Variants in MSRA observed in about 807,000 individuals in gnomAD.
The protein encoded by MSRA is mitochondrial peptide methionine sulfoxide reductase.
A neutral mutation model predicts 31.3 loss-of-function variants in MSRA; 54 were observed. The ratio of observed to expected loss-of-function variants is 1.73; its 90% confidence interval spans 1.39 to 2.17. The LOEUF (loss-of-function observed/expected upper bound fraction) is 2.17, where lower values mean the gene tolerates loss of function less well. Ranked by LOEUF, MSRA falls within the 30% of genes most tolerant of loss-of-function variation. The pLI is 0.00. For missense variants in MSRA, 507 were observed against 300.9 expected, an observed-to-expected ratio of 1.69 and a Z score of -5.07; for synonymous variants, 169 against 116.5, an observed-to-expected ratio of 1.45 and a Z score of -2.90.
intron 1 of MSRA, among the ~76,000 whole-genome samples, chr8:10,183,884 A>G (rs932844927): frequency 2.0e-4 from 28 of 137,254 alleles, no homozygotes; most frequent in African/African-American, 7.8e-4. Flanking sequence ...TTGTTGGTAT[A>G]GGTGGTGTTG....
chr8:10,159,092 G>A (rs1232649362), intron 1 of MSRA, among the ~76,000 whole-genome samples: 1 of 152,234 alleles, frequency 6.6e-6, no homozygotes, highest in Admixed American at 6.5e-5. Flanking sequence ...GATACCAGAT[G>A]ATGGATGGCA....
intron 5 of MSRA, among the ~76,000 whole-genome samples, chr8:10,388,735 C>T (rs1010172075): frequency 2.0e-5 from 3 of 151,968 alleles, no homozygotes; most frequent in South Asian, 2.1e-4. Context: ...TTCTCATTGG[C>T]TTTTGACGTT....
In MSRA at chr8:10,310,955, AC is replaced by A. The variant is rs1170189861; in HGVS notation, c.437-8927del. Reference sequence around the variant, plus strand: ...AGTCCAAATAATCAGGCTTTTGAAAACTTTTAGCCAGGAAGAGTTTCACATA... The same window carrying A: ...AGTCCAAATAATCAGGCTTTTGAAAATTTTAGCCAGGAAGAGTTTCACATA... On this transcript the variant is annotated intron_variant, in intron 4 of 5. Coordinates refer to ENST00000317173, the MANE Select transcript of MSRA (RefSeq NM_012331.5). Among the ~76,000 whole-genome samples the A allele has an allele frequency of 4.6e-5, 7 of 152,354 alleles. No individual in the cohort carries two copies. The East Asian group carries it at 9.6e-4, about 21-fold the overall frequency.
chr8:10,369,267 A>G (rs1200038334), intron 5 of MSRA, among the ~76,000 whole-genome samples: 2 of 151,724 alleles, frequency 1.3e-5, no homozygotes, highest in African/African-American at 2.4e-5. Context: ...AAAAAAAACG[A>G]AGAAGAAATT....
chr8:10,161,121 C>A (rs1212650661), intron 1 of MSRA, among the ~76,000 whole-genome samples: 6 of 152,172 alleles, frequency 3.9e-5, no homozygotes, highest in Non-Finnish European at 7.3e-5. Context: ...TTTCTAAATA[C>A]GGTCTGTGTG....
intron 1 of MSRA, among the ~76,000 whole-genome samples, chr8:10,173,961 A>G (rs1009795761): frequency 1.3e-5 from 2 of 152,116 alleles, no homozygotes; most frequent in East Asian, 3.9e-4. Context: ...CAGCATCCAC[A>G]TTGAGGTGGG....
chr8:10,115,163 A>G (rs1458029786), intron 1 of MSRA, among the ~76,000 whole-genome samples: 2 of 152,252 alleles, frequency 1.3e-5, no homozygotes, highest in East Asian at 1.9e-4. Flanking sequence ...CTGGCTTACT[A>G]TGTCAAAAAT....
At chr8:10,327,830 G>C (rs1802451099) in intron 5 of MSRA, among the ~76,000 whole-genome samples, 1 of 152,062 alleles carries the variant, frequency 6.6e-6, no homozygotes, top group Non-Finnish European at 1.5e-5. Flanking sequence ...CTACTCATGA[G>C]GCTGAGGCAG....
intron 1 of MSRA, among the ~76,000 whole-genome samples, chr8:10,061,221 C>T (rs1413812463): frequency 6.6e-6 from 1 of 152,180 alleles, no homozygotes; most frequent in Non-Finnish European, 1.5e-5. Context: ...TTTTCTGCCT[C>T]TGTATTGCTC....
intron 1 of MSRA, among the ~76,000 whole-genome samples, chr8:10,124,452 C>T (rs368968641): frequency 1.3e-5 from 2 of 152,326 alleles, no homozygotes; most frequent in East Asian, 3.9e-4. Flanking sequence ...AGAATATCTG[C>T]TCCCATTTCA....
chr8:10,296,809 G>A (rs1194672395), intron 3 of MSRA, among the ~76,000 whole-genome samples: 3 of 152,084 alleles, frequency 2.0e-5, no homozygotes, highest in Admixed American at 6.6e-5. Flanking sequence ...CCCAGACCCC[G>A]CCAAGGTCAT....
chr8:10,063,092 C>T (rs1797289487), intron 1 of MSRA, among the ~76,000 whole-genome samples: 2 of 152,160 alleles, frequency 1.3e-5, no homozygotes, highest in South Asian at 4.1e-4. Flanking sequence ...AGATCTAAAA[C>T]CAAACTTAGC....
chr8:10,223,435 T>C (rs1307843527), intron 2 of MSRA, among the ~76,000 whole-genome samples: 1 of 152,206 alleles, frequency 6.6e-6, no homozygotes, highest in African/African-American at 2.4e-5. Context: ...AGCATTTGCG[T>C]CTATCTCTTA....
intron 5 of MSRA, among the ~76,000 whole-genome samples, chr8:10,404,481 A>G (rs1004003266): frequency 1.3e-5 from 2 of 152,172 alleles, no homozygotes; most frequent in African/African-American, 4.8e-5. Flanking sequence ...CTTCAAAGTG[A>G]ACAGTTGGCA....
chr8:10,094,035 A>C (rs1798994551), intron 1 of MSRA, among the ~76,000 whole-genome samples: 1 of 152,148 alleles, frequency 6.6e-6, no homozygotes, highest in African/African-American at 2.4e-5. Flanking sequence ...TGCTTTCAAG[A>C]TTCTCTTTAG....
intron 3 of MSRA, among the ~76,000 whole-genome samples, chr8:10,260,486 G>C (rs933929334): frequency 6.6e-6 from 1 of 152,210 alleles, no homozygotes; most frequent in African/African-American, 2.4e-5. Context: ...GCAGCACGCA[G>C]AGTTGACAGG....
At chr8:10,392,143 G>T (rs1318052088) in intron 5 of MSRA, among the ~76,000 whole-genome samples, 1 of 152,212 alleles carries the variant, frequency 6.6e-6, no homozygotes, top group Non-Finnish European at 1.5e-5. Flanking sequence ...GGAGCTTTCT[G>T]TGTGGCAATG....
rs1038087187 is a variant in MSRA at position 10,241,357 on chromosome 8, C to G, written c.212-3747C>G. On this transcript the variant is annotated intron_variant, in intron 2 of 5. Transcript: ENST00000317173. ...AGGAGCCAATTTGAAGAGGGTCTCA[C>G]TGGCCAAAGATATGACTGCTGAAGC... 2.6e-5 allele frequency among the ~76,000 whole-genome samples: 4 copies of G among 152,152 alleles called. No homozygotes were observed. In the East Asian group the frequency reaches 7.7e-4, roughly 29 times the overall value.
chr8:10,204,581 G>C (rs901772647), intron 1 of MSRA, among the ~76,000 whole-genome samples: 1 of 152,200 alleles, frequency 6.6e-6, no homozygotes, highest in African/African-American at 2.4e-5. Flanking sequence ...ATACCACATA[G>C]CCATAGCTTA....
Sources: gnomAD v4.1 joint callset for allele counts (sites outside exome capture counted in the v4.1 genomes callset) on GRCh38, gnomAD v4.1.1 for gene constraint, MANE v1.5 for transcripts, NCBI Gene and HGNC (gene_info 2026-07-23, HGNC 2026-07-21) for gene names.